SNX9: variants seen among roughly 807,000 people sequenced by gnomAD.
SNX9 encodes sorting nexin 9, also known as sorting nexin-9.
Under a neutral mutation model 89.4 loss-of-function variants are expected in SNX9, and 44 were observed. That is an observed-to-expected ratio of 0.49 (90% CI 0.39 to 0.63). SNX9 has a LOEUF of 0.63. Ranked by LOEUF, SNX9 falls within the 30% of genes least tolerant of loss-of-function variation. The pLI is 0.00. For synonymous variants in SNX9, 236 were observed against 247.8 expected (o/e 0.95, Z 0.45); for missense variants, 578 against 736.1 (o/e 0.79, Z 2.49).
At chr6:157,830,520 T>TA (rs1781460087) in intron 1 of SNX9, 1 of 152,362 alleles carries the variant, frequency 6.6e-6, no homozygotes, top group African/African-American at 2.4e-5. Flanking sequence ...TGTGTGGATT[T>TA]TAGTTGCACA....
At chr6:157,875,210 G>A (rs776638804) in intron 4 of SNX9, 34 bp downstream of exon 4, 8 of 1,588,184 alleles carry the variant, frequency 5.0e-6, no homozygotes, top group Non-Finnish European at 6.9e-6. Context: ...GATGTGGCTG[G>A]CTTTACGGAA....
intron 1 of SNX9, among the ~76,000 whole-genome samples, chr6:157,858,627 G>A (rs1481821749): frequency 6.6e-6 from 1 of 152,182 alleles, no homozygotes; most frequent in Non-Finnish European, 1.5e-5. Context: ...CTACCTTGAT[G>A]TATTAGCATG....
At chr6:157,859,916 G>A (rs1404154204) in intron 1 of SNX9, among the ~76,000 whole-genome samples, 1 of 151,986 alleles carries the variant, frequency 6.6e-6, no homozygotes, top group Non-Finnish European at 1.5e-5. Flanking sequence ...ATTTTGTTCC[G>A]GGTCATGTTA....
chr6:157,827,829 C>A (rs1014004900), intron 1 of SNX9, among the ~76,000 whole-genome samples: 1 of 149,340 alleles, frequency 6.7e-6, no homozygotes, highest in Non-Finnish European at 1.5e-5. Flanking sequence ...CACCTTTAGG[C>A]TAACTATAAC....
chr6:157,861,824 T>A (rs528143846), intron 1 of SNX9, among the ~76,000 whole-genome samples: 2 of 152,274 alleles, frequency 1.3e-5, no homozygotes, highest in South Asian at 4.1e-4. Flanking sequence ...AATAATAAAA[T>A]AGAACAGTTA....
chr6:157,886,570 T>A (rs1243002448), intron 4 of SNX9, among the ~76,000 whole-genome samples: 1 of 152,248 alleles, frequency 6.6e-6, no homozygotes, highest in African/African-American at 2.4e-5. Flanking sequence ...GGTAATGGTT[T>A]ACCACCAGTT....
intron 5 of SNX9, among the ~76,000 whole-genome samples, chr6:157,900,475 C>T (rs75959852): frequency 2.6e-5 from 4 of 151,840 alleles, no homozygotes; most frequent in South Asian, 4.1e-4. Context: ...CGGATCGGCC[C>T]GTTGAGAAAT....
intron 13 of SNX9, among the ~76,000 whole-genome samples, chr6:157,933,364 T>C (rs188354277): frequency 1.5e-3 from 234 of 152,296 alleles, no homozygotes; most frequent in South Asian, 4.4e-3. Flanking sequence ...CTGTCACTTA[T>C]AGAAGTGGTA....
chr6:157,940,762 G>A (rs1784020203), intron 16 of SNX9, 121 bp from the exon 17 acceptor site: 2 of 831,008 alleles, frequency 2.4e-6, no homozygotes, highest in South Asian at 1.6e-5. Context: ...ACCAAGAACT[G>A]ACAACAGCAG....
At chr6:157,916,817 A>G (rs549936992) in intron 9 of SNX9, among the ~76,000 whole-genome samples, 8 of 152,312 alleles carry the variant, frequency 5.3e-5, no homozygotes, top group African/African-American at 9.6e-5. Flanking sequence ...GCTGGATTAA[A>G]TTTGCTAATA....
chr6:157,829,427 A>G (rs1781441429), intron 1 of SNX9: 1 of 152,214 alleles, frequency 6.6e-6, no homozygotes, highest in Admixed American at 6.5e-5. Context: ...GCATACAGTC[A>G]GCTTTTATGT....
At chr6:157,889,298 G>A (rs1302472485) in intron 4 of SNX9, among the ~76,000 whole-genome samples, 1 of 151,930 alleles carries the variant, frequency 6.6e-6, no homozygotes, top group East Asian at 1.9e-4. Context: ...GGGTGTGGTG[G>A]TGCACCCCTG....
chr6:157,872,679 C>T (rs756009138), intron 2 of SNX9: 25 of 154,280 alleles, frequency 1.6e-4, no homozygotes, highest in Non-Finnish European at 2.6e-4. Context: ...TGCAGAAGCC[C>T]TTGAGGCAAG....
At position 157,927,718 on chromosome 6, in the gene SNX9, CTTTTTTTTTT is replaced by C. The variant is rs761592456; in HGVS notation, c.1184+521_1184+530del. Reference sequence around the variant, plus strand: ...AATTTGCGTGGTTTTTAATTTTAAGCTTTTTTTTTTTTTTTTTTTTTTTTTTGAGACGGAG... The same window carrying C: ...AATTTGCGTGGTTTTTAATTTTAAGCTTTTTTTTTTTTTTTTGAGACGGAG... On this transcript the variant is annotated intron_variant, in intron 11 of 17. Transcript: ENST00000392185. 6.1e-4 allele frequency among the ~76,000 whole-genome samples: 60 copies of C among 98,746 alleles called. 1 individual carries two copies. The highest frequency in any genetic ancestry group is 2.0e-3 in the South Asian group (6 of 3,038). 64.8% of individuals were successfully genotyped at this position (98,746 alleles called of 152,430 possible).
At chr6:157,862,452 G>A (rs1042018495) in intron 1 of SNX9, among the ~76,000 whole-genome samples, 41 of 152,262 alleles carry the variant, frequency 2.7e-4, no homozygotes, top group Admixed American at 8.5e-4. Flanking sequence ...TTCACTTCTC[G>A]AGGGTGTCAA....
At chr6:157,934,450 A>G (rs147862685) in intron 13 of SNX9, among the ~76,000 whole-genome samples, 226 of 152,340 alleles carry the variant, frequency 1.5e-3, no homozygotes, top group African/African-American at 5.1e-3. Flanking sequence ...CAAAAGCAAA[A>G]TAAAACAAAT....
rs765690543 is a variant in SNX9, at chr6:157,875,149, T to C, written c.273T>C (p.Ser91=). ...TCTCAGCCAGCACAGCTCAGGCCAG[T>C]TCGTCGGCTGCCAGCAACAATCACC... The part of the protein sequence containing the change: ...DSLSASTAQA[S]SSAASNNHQV... The change falls in exon 4 of 18, where the codon AGT becomes AGC. Residue 91 remains serine (S), a synonymous_variant. Coordinates refer to ENST00000392185, the MANE Select transcript of SNX9 (RefSeq NM_016224.5). 24 of 1,607,770 alleles carry C rather than the reference T, an allele frequency of 1.5e-5. No homozygotes were observed. The highest frequency in any genetic ancestry group is 2.0e-5 in the Non-Finnish European group (23 of 1,176,854).
intron 4 of SNX9, among the ~76,000 whole-genome samples, chr6:157,888,097 A>G (rs2115154374): frequency 6.6e-6 from 1 of 152,324 alleles, no homozygotes; most frequent in East Asian, 1.9e-4. Context: ...TGTCATTCAC[A>G]GCTGCGATTG....
intron 3 of SNX9, 85 bp downstream of exon 3, chr6:157,873,261 A>G (rs1410847959): frequency 9.2e-7 from 1 of 1,091,124 alleles, no homozygotes; most frequent in Non-Finnish European, 1.3e-6. Flanking sequence ...GAAGTCAGCA[A>G]CTTTTTGCAA....
Sources: gnomAD v4.1 joint callset for allele counts (sites outside exome capture counted in the v4.1 genomes callset) on GRCh38, gnomAD v4.1.1 for gene constraint, MANE v1.5 for transcripts, NCBI Gene and HGNC (gene_info 2026-07-23, HGNC 2026-07-21) for gene names.